TMIGD3: variants seen among roughly 807,000 people sequenced by gnomAD.
TMIGD3 encodes AD026 protein (AD026).
A neutral mutation model predicts 28.1 loss-of-function variants in TMIGD3; 21 were observed. That is an observed-to-expected ratio of 0.75 (90% CI 0.53 to 1.08). TMIGD3 has a LOEUF of 1.08. TMIGD3 is among the 50% of genes least tolerant of loss of function. TMIGD3 has a pLI of 0.00. For missense variants in TMIGD3, 416 were observed against 435.6 expected (o/e 0.96, Z 0.40); for synonymous variants, 151 against 162.1 (o/e 0.93, Z 0.52).
intron 1 of TMIGD3, among the ~76,000 whole-genome samples, chr1:111,538,481 G>C (rs3849170): frequency 0.41 from 62,176 of 151,944 alleles, 12,953 homozygotes; most frequent in Admixed American, 0.55. Context: ...TTTTGTTGTG[G>C]CTGCTGAGTC....
rs1245797988 is a variant in TMIGD3 at position 111,488,939 on chromosome 1, C to A, written c.543G>T (p.Lys181Asn). The A allele has an allele frequency of 2.5e-6, 4 of 1,614,038 alleles. No homozygotes were observed. Among genetic ancestry groups the A allele is most frequent in the Non-Finnish European group, 3.4e-6 (4 of 1,180,042 alleles). ...SAICNYNAHY[K>N]NHPKYWCRGY... ...CTCGGCACCAGTATTTGGGGTGATT[C>A]TTGTAGTGGGCATTGTAGTTGCAGA... Residue 181 changes from lysine (K) to asparagine (N), a missense_variant, in exon 3 of 6, where the codon AAG becomes AAT. Coordinates refer to ENST00000369716, the MANE Select transcript of TMIGD3 (RefSeq NM_020683.7).
chr1:111,507,009 A>ATG (rs1257817741), upstream of TMIGD3, among the ~76,000 whole-genome samples: 59 of 132,174 alleles, frequency 4.5e-4, no homozygotes, highest in African/African-American at 1.4e-3. Flanking sequence ...ACACACACAT[A>ATG]TGTGTGTGTG....
chr1:111,526,209 T>C (rs1656255353), intron 1 of TMIGD3, among the ~76,000 whole-genome samples: 1 of 152,130 alleles, frequency 6.6e-6, no homozygotes, highest in Non-Finnish European at 1.5e-5. Flanking sequence ...ATCTCTCTGA[T>C]ATGGTTTTAC....
chr1:111,495,956 A>G (rs1411041821), intron 1 of TMIGD3, among the ~76,000 whole-genome samples: 1 of 152,220 alleles, frequency 6.6e-6, no homozygotes, highest in Non-Finnish European at 1.5e-5. Flanking sequence ...CTAAATAATG[A>G]TAAAACATGG....
At chr1:111,508,975 A>G (rs1345656382) in intron 1 of TMIGD3, among the ~76,000 whole-genome samples, 1 of 152,202 alleles carries the variant, frequency 6.6e-6, no homozygotes, top group East Asian at 1.9e-4. Flanking sequence ...GGCGCCTGTA[A>G]TCCCAGCTAC....
intron 1 of TMIGD3, among the ~76,000 whole-genome samples, chr1:111,557,366 G>T (rs993174859): frequency 6.6e-6 from 1 of 152,086 alleles, no homozygotes; most frequent in Non-Finnish European, 1.5e-5. Flanking sequence ...GGCTAACACG[G>T]TGAAACCCTG....
chr1:111,497,469 T>TCCTC (rs1654945064), intron 1 of TMIGD3, among the ~76,000 whole-genome samples: 1 of 152,128 alleles, frequency 6.6e-6, no homozygotes, highest in African/African-American at 2.4e-5. Context: ...CTAACCAAGC[T>TCCTC]CCTCACCAGT....
chr1:111,500,777 C>T, intron 1 of TMIGD3: 1 of 563,896 alleles, frequency 1.8e-6, no homozygotes, highest in Non-Finnish European at 3.1e-6. Context: ...GGAGAAAAAT[C>T]CAGGAAACTT....
intron 1 of TMIGD3, chr1:111,499,745 T>A (rs1290358095): frequency 1.4e-6 from 2 of 1,399,486 alleles, no homozygotes; most frequent in African/African-American, 1.4e-5. Context: ...AACACTGAAT[T>A]AGAGAGAAAG....
At chr1:111,560,380 T>G (rs1308126721) in intron 1 of TMIGD3, among the ~76,000 whole-genome samples, 1 of 151,916 alleles carries the variant, frequency 6.6e-6, no homozygotes, top group Non-Finnish European at 1.5e-5. Flanking sequence ...CAGGGGCTGA[T>G]ATTCACTAAG....
At chr1:111,526,311 G>T (rs1199752062) in intron 1 of TMIGD3, among the ~76,000 whole-genome samples, 1 of 152,106 alleles carries the variant, frequency 6.6e-6, no homozygotes, top group East Asian at 1.9e-4. Flanking sequence ...TGAATCATGG[G>T]GGCGGTTTCC....
upstream of TMIGD3, among the ~76,000 whole-genome samples, chr1:111,506,304 G>C (rs2100989115): frequency 6.6e-6 from 1 of 152,324 alleles, no homozygotes; most frequent in East Asian, 1.9e-4. Flanking sequence ...AGTGAATCAG[G>C]TGGCATAAAC....
chr1:111,514,382 A>C (rs1557831039), intron 1 of TMIGD3, among the ~76,000 whole-genome samples: 1 of 152,000 alleles, frequency 6.6e-6, no homozygotes, highest in African/African-American at 2.4e-5. Flanking sequence ...CTGTCTCTAC[A>C]AAAAAAATTC....
At chr1:111,499,113 A>C (rs537300546) in intron 1 of TMIGD3, among the ~76,000 whole-genome samples, 1 of 152,072 alleles carries the variant, frequency 6.6e-6, no homozygotes, top group South Asian at 2.1e-4. Flanking sequence ...AAAAAAAAGA[A>C]AGAAACAAAA....
At chr1:111,501,477 T>C (rs1357973637) in intron 1 of TMIGD3, 1 of 152,186 alleles carries the variant, frequency 6.6e-6, no homozygotes, top group Non-Finnish European at 1.5e-5. Flanking sequence ...TTGATGGCAA[T>C]TGTGAAAATA....
chr1:111,562,145 G>T (rs1262697875), intron 1 of TMIGD3, among the ~76,000 whole-genome samples: 2 of 152,114 alleles, frequency 1.3e-5, no homozygotes. Context: ...GTCTTTTCTT[G>T]TGGGCAACGT....
intron 1 of TMIGD3, among the ~76,000 whole-genome samples, chr1:111,492,437 T>G (rs951405439): frequency 6.6e-6 from 1 of 152,108 alleles, no homozygotes; most frequent in Non-Finnish European, 1.5e-5. Flanking sequence ...TCAGCATTGC[T>G]CAGAGATGGC....
chr1:111,552,818 A>C (rs1657323108), intron 1 of TMIGD3, among the ~76,000 whole-genome samples: 2 of 152,236 alleles, frequency 1.3e-5, no homozygotes, highest in Admixed American at 1.3e-4. Context: ...TGGGATAATA[A>C]AAGTATTGCT....
intron 1 of TMIGD3, among the ~76,000 whole-genome samples, chr1:111,524,090 C>T (rs1195098074): frequency 2.9e-5 from 4 of 139,802 alleles, no homozygotes; most frequent in South Asian, 2.2e-4. Context: ...AGTGCAGTGG[C>T]GCGATCTCGG....
Sources: allele counts gnomAD v4.1 joint callset (sites outside exome capture counted in the v4.1 genomes callset), GRCh38; gene constraint gnomAD v4.1.1; transcripts MANE v1.5; gene names NCBI Gene and HGNC (gene_info 2026-07-23, HGNC 2026-07-21).